Variants in C10orf67 observed in about 807,000 individuals in gnomAD.
C10orf67 encodes chromosome 10 open reading frame 67.
A neutral mutation model predicts 35.6 loss-of-function variants in C10orf67; 60 were observed. The observed-to-expected ratio is 1.68, with a 90% CI of 1.37 to 2.09. The LOEUF is 2.09. Among genes scored for constraint, C10orf67 ranks in the 30% most tolerant of loss-of-function variants. The probability of loss-of-function intolerance (pLI) is 0.00; values close to 1 mark genes in which losing one functional copy is unlikely to be tolerated. For synonymous variants in C10orf67, 167 were observed against 115.8 expected, an observed-to-expected ratio of 1.44 and a Z score of -2.84; for missense variants, 474 against 330.2, an observed-to-expected ratio of 1.44 and a Z score of -3.38.
Position 23,303,422 on chromosome 10 carries a change from T to A in C10orf67, c.584A>T (p.Gln195Leu), listed in dbSNP as rs1294457108. Residue 195 changes from glutamine (Q) to leucine (L), a missense_variant, in exon 5 of 16, where the codon CAA becomes CTA. By Grantham distance (113) the Gln-to-Leu change is moderately radical (BLOSUM62 -2). Coordinates refer to ENST00000636213, the MANE Select transcript of C10orf67 (RefSeq NM_001371909.1). ...FEVEEENVSL[Q>L]DASTVKTNIL... ...ATTTGTTTTGACAGTACTCGCATCTTGCAAAGAAACATTCTCTTCTTCTAC... is the reference window on the plus strand; with the variant it reads ...ATTTGTTTTGACAGTACTCGCATCTAGCAAAGAAACATTCTCTTCTTCTAC... 2 of 607,926 alleles carry A rather than the reference T, an allele frequency of 3.3e-6. No homozygotes were observed. Among genetic ancestry groups the A allele is most frequent in the Non-Finnish European group, 5.9e-6 (2 of 337,698 alleles). The allele number at this position is 607,926 out of a possible 1,614,324, so 37.7% of individuals were successfully genotyped here. A position where few individuals can be genotyped will look rare whatever the true frequency, so the allele number is the denominator to read the frequency against.
chr10:23,327,783 C>T (rs567051229), intron 2 of C10orf67, among the ~76,000 whole-genome samples: 2 of 151,666 alleles, frequency 1.3e-5, no homozygotes, highest in Admixed American at 6.6e-5. Context: ...AGAGATCGCA[C>T]CACTGCACTC....
At chr10:23,344,418 C>A (rs1292932119) in intron 1 of C10orf67, 151 bp downstream of exon 1, 3 of 789,388 alleles carry the variant, frequency 3.8e-6, no homozygotes, top group Admixed American at 4.9e-5. Flanking sequence ...TCCCGCCTGC[C>A]TCAAGGCTTC....
rs1438320559 is a variant in C10orf67, at chr10:23,267,218, T to C, written c.1012A>G (p.Lys338Glu). ...ACCTTTACACTTAAGCTGCCATACT[T>C]TTTTCTCATTTCCTTGTCCTCTTTC... The part of the protein sequence containing the change: ...KQKEDKEMRK[K>E]YGSLSVKVAR... The change falls in exon 9 of 16, where the codon AAG becomes GAG. Residue 338 changes from lysine to glutamate, a missense_variant. By Grantham distance (56) the Lys-to-Glu change is moderately conservative. Coordinates refer to ENST00000636213, the MANE Select transcript of C10orf67 (RefSeq NM_001371909.1). 1 of 716,222 alleles carries C rather than the reference T, an allele frequency of 1.4e-6. No homozygotes were observed. The highest frequency in any genetic ancestry group is 1.7e-5 in the African/African-American group (1 of 57,338). 44.4% of individuals were successfully genotyped at this position (716,222 alleles called of 1,614,324 possible). A position where few individuals can be genotyped will look rare whatever the true frequency, so the allele number is the denominator to read the frequency against.
At chr10:23,327,822 C>G (rs1845256221) in intron 2 of C10orf67, among the ~76,000 whole-genome samples, 1 of 151,106 alleles carries the variant, frequency 6.6e-6, no homozygotes, top group Admixed American at 6.6e-5. Context: ...AAGACTCCAT[C>G]TCGGGGGAGA....
intron 13 of C10orf67, among the ~76,000 whole-genome samples, chr10:23,228,010 C>T (rs575206543): frequency 5.9e-5 from 9 of 152,078 alleles, no homozygotes; most frequent in South Asian, 2.1e-4. Context: ...ATGGCCATAC[C>T]GCCCAAGGGA....
chr10:23,320,438 C>T (rs1480664453), intron 4 of C10orf67, among the ~76,000 whole-genome samples: 1 of 152,226 alleles, frequency 6.6e-6, no homozygotes, highest in African/African-American at 2.4e-5. Flanking sequence ...TCTCTGAACT[C>T]TCTCTTAGGA....
intron 5 of C10orf67, among the ~76,000 whole-genome samples, chr10:23,293,948 C>T (rs930444485): frequency 6.6e-6 from 1 of 152,216 alleles, no homozygotes; most frequent in Non-Finnish European, 1.5e-5. Context: ...TCAGAGTCTG[C>T]ATCTAACGAG....
intron 15 of C10orf67, among the ~76,000 whole-genome samples, chr10:23,221,150 G>A (rs76957211): frequency 1.9e-4 from 29 of 152,288 alleles, no homozygotes; most frequent in African/African-American, 5.5e-4. Context: ...TTAACAGGAC[G>A]CATGGCTAGG....
chr10:23,207,476 CTG>C (rs1841189711), intron 15 of C10orf67, among the ~76,000 whole-genome samples: 1 of 152,190 alleles, frequency 6.6e-6, no homozygotes, highest in Non-Finnish European at 1.5e-5. Flanking sequence ...AATGAATCGA[CTG>C]TACTAAACCA....
At chr10:23,323,837 T>G (rs1367861423) in intron 2 of C10orf67, among the ~76,000 whole-genome samples, 1 of 132,644 alleles carries the variant, frequency 7.5e-6, no homozygotes, top group South Asian at 2.5e-4. Flanking sequence ...GAGGTTGCAG[T>G]GAGCCAAGAT....
chr10:23,218,303 G>A (rs1177654219), intron 15 of C10orf67, among the ~76,000 whole-genome samples: 2 of 141,840 alleles, frequency 1.4e-5, no homozygotes, highest in African/African-American at 5.3e-5. Context: ...ACTACACGAG[G>A]CTAATTTTTT....
intron 13 of C10orf67, among the ~76,000 whole-genome samples, chr10:23,237,181 A>G (rs1283112185): frequency 6.6e-6 from 1 of 152,172 alleles, no homozygotes; most frequent in African/African-American, 2.4e-5. Flanking sequence ...AATGGCCTCC[A>G]GCTCCATTCA....
chr10:23,287,049 C>T (rs1843564499), intron 7 of C10orf67, among the ~76,000 whole-genome samples: 1 of 152,182 alleles, frequency 6.6e-6, no homozygotes, highest in African/African-American at 2.4e-5. Flanking sequence ...GGCCATATTG[C>T]CCAAAGTAAT....
In C10orf67 at chr10:23,303,401, G is replaced by T. The variant is rs554333696; in HGVS notation, c.605C>A (p.Thr202Lys). The T allele has an allele frequency of 6.9e-5, 44 of 641,396 alleles. No homozygotes were observed. The African/African-American group carries it at 7.2e-4, about 10-fold the overall frequency. 39.7% of individuals were successfully genotyped at this position (641,396 alleles called of 1,614,324 possible). A position where few individuals can be genotyped will look rare whatever the true frequency, so the allele number is the denominator to read the frequency against. Residue 202 changes from threonine (T) to lysine (K), a missense_variant, in exon 5 of 16, where the codon ACA becomes AAA. Physicochemically the swap from Thr to Lys is moderately conservative, Grantham distance 78. Transcript: ENST00000636213. ...TTTCAGTTTTCTTAACAAAATATTT[G>T]TTTTGACAGTACTCGCATCTTGCAA... ...VSLQDASTVK[T>K]NILLRKLKEK...
At chr10:23,301,285 A>G (rs1030496276) in intron 5 of C10orf67, among the ~76,000 whole-genome samples, 1 of 152,218 alleles carries the variant, frequency 6.6e-6, no homozygotes, top group Admixed American at 6.5e-5. Flanking sequence ...AAGAAAATTG[A>G]AAGTGGAAGC....
At chr10:23,208,903 G>T (rs1475815403) in intron 15 of C10orf67, among the ~76,000 whole-genome samples, 3 of 152,222 alleles carry the variant, frequency 2.0e-5, no homozygotes, top group Non-Finnish European at 2.9e-5. Flanking sequence ...GCTTGGCTTA[G>T]CCTACTTGAT....
intron 13 of C10orf67, among the ~76,000 whole-genome samples, chr10:23,235,587 G>T (rs1842027061): frequency 6.6e-6 from 1 of 152,148 alleles, no homozygotes; most frequent in South Asian, 2.1e-4. Context: ...GAATTTGGTT[G>T]AACAATTTGG....
chr10:23,328,625 T>C (rs1845291529), intron 2 of C10orf67, among the ~76,000 whole-genome samples: 3 of 151,908 alleles, frequency 2.0e-5, no homozygotes, highest in Non-Finnish European at 2.9e-5. Context: ...ATGCAGTTGT[T>C]TTTTCTAAAC....
At chr10:23,217,577 C>G (rs895604312) in intron 15 of C10orf67, among the ~76,000 whole-genome samples, 1 of 152,106 alleles carries the variant, frequency 6.6e-6, no homozygotes, top group African/African-American at 2.4e-5. Flanking sequence ...CAGTCTGCAA[C>G]CAGGCAGCAA....
Sources: allele counts gnomAD v4.1 joint callset (sites outside exome capture counted in the v4.1 genomes callset), GRCh38; gene constraint gnomAD v4.1.1; transcripts MANE v1.5; gene names NCBI Gene and HGNC (gene_info 2026-07-23, HGNC 2026-07-21).